Variants in RBM19 observed in about 807,000 individuals in gnomAD.
RBM19 encodes the protein probable RNA-binding protein 19.
In RBM19, 94 loss-of-function variants were observed where a neutral mutation model predicts 116.8. The ratio of observed to expected loss-of-function variants is 0.80; its 90% confidence interval spans 0.68 to 0.95. The LOEUF (loss-of-function observed/expected upper bound fraction) is 0.95, where lower values mean the gene tolerates loss of function less well. Ranked by LOEUF, RBM19 falls within the 40% of genes least tolerant of loss-of-function variation. The pLI, the probability that RBM19 is intolerant of heterozygous loss-of-function variation, is 0.00. For synonymous variants in RBM19, 475 were observed against 494.1 expected (o/e 0.96, Z 0.51); for missense variants, 1,161 against 1,220.7 (o/e 0.95, Z 0.73).
At position 113,898,047 on chromosome 12, in the gene RBM19, A is replaced by C. The variant is rs914359504; in HGVS notation, c.2558+16922T>G. ...AACCACAGGTGGGCTTGGCTGGGAAAAAGATCTACAGGTCTAAGTGAACCT... is the reference window on the plus strand; with the variant it reads ...AACCACAGGTGGGCTTGGCTGGGAACAAGATCTACAGGTCTAAGTGAACCT... On this transcript the variant is annotated intron_variant, in intron 21 of 23. Transcript: ENST00000261741. This position sits in a 1 kb window ranked among gnomAD's most constrained non-coding sequence, Gnocchi z 4.3. Among the ~76,000 whole-genome samples the C allele has an allele frequency of 2.0e-5, 3 of 152,316 alleles. No homozygotes were observed. The highest frequency in any genetic ancestry group is 1.5e-5 in the Non-Finnish European group (1 of 68,022).
chr12:113,955,792 C>T (rs897961752), intron 6 of RBM19, among the ~76,000 whole-genome samples: 1 of 152,214 alleles, frequency 6.6e-6, no homozygotes, highest in African/African-American at 2.4e-5. Flanking sequence ...TGCTGATTCA[C>T]GCAGCGCAAG....
chr12:113,849,074 G>A (rs531754755), intron 22 of RBM19, among the ~76,000 whole-genome samples: 9 of 152,296 alleles, frequency 5.9e-5, no homozygotes, highest in Admixed American at 5.2e-4. Context: ...GCCTCTACAC[G>A]TTGTCTCTGG....
At chr12:113,919,137 G>A (rs1051904239) in intron 19 of RBM19, among the ~76,000 whole-genome samples, 1 of 152,190 alleles carries the variant, frequency 6.6e-6, no homozygotes, top group Non-Finnish European at 1.5e-5. Flanking sequence ...GAAGGGCCTA[G>A]GATGTGGGGC....
chr12:113,825,667 TCTC>T lies in RBM19; in HGVS notation c.2786-2349_2786-2347del, dbSNP rs1874797230. Among the ~76,000 whole-genome samples the T allele has an allele frequency of 6.6e-6, 1 of 152,032 alleles. No homozygotes were observed. The highest frequency in any genetic ancestry group is 1.5e-5 in the Non-Finnish European group (1 of 67,988). Reference sequence around the variant, plus strand: ...GCGGTGGCGGCATGGGACTTTTTCTTCTCTCCCACATCCTGACAACTTGGAGGG... The same window carrying T: ...GCGGTGGCGGCATGGGACTTTTTCTTTCCCACATCCTGACAACTTGGAGGG... On this transcript the variant is annotated intron_variant, in intron 23 of 23. Coordinates refer to ENST00000261741, the MANE Select transcript of RBM19 (RefSeq NM_016196.4). This position sits in a 1 kb window ranked among gnomAD's most constrained non-coding sequence, Gnocchi z 5.7.
At chr12:113,960,603 C>T (rs1241948828) in intron 2 of RBM19, among the ~76,000 whole-genome samples, 1 of 152,156 alleles carries the variant, frequency 6.6e-6, no homozygotes, top group African/African-American at 2.4e-5. Flanking sequence ...CTCAGGGGGT[C>T]TCTGGGCTCT....
intron 22 of RBM19, among the ~76,000 whole-genome samples, chr12:113,852,344 C>G (rs1877528284): frequency 6.6e-6 from 1 of 152,172 alleles, no homozygotes; most frequent in Non-Finnish European, 1.5e-5. Context: ...AGGTCTCAGC[C>G]CATATACATG....
intron 21 of RBM19, among the ~76,000 whole-genome samples, chr12:113,882,931 C>T (rs929296177): frequency 3.3e-5 from 5 of 152,228 alleles, no homozygotes; most frequent in African/African-American, 1.2e-4. Context: ...TAAAGCAGCC[C>T]TCTTTTTCCC....
chr12:113,934,407 T>G lies in RBM19; in HGVS notation c.2068+2600A>C, dbSNP rs1234701989. 2.0e-5 allele frequency among the ~76,000 whole-genome samples: 3 copies of G among 152,320 alleles called. No homozygotes were observed. The East Asian group carries it at 5.8e-4, about 29-fold the overall frequency. On this transcript the variant is annotated intron_variant, in intron 16 of 23. Transcript: ENST00000261741. ...CTGCTTACTGGAAATCTCAGGGCCATTTCCCCAGGGGCTCTAGGCCTCACA... is the reference window on the plus strand; with the variant it reads ...CTGCTTACTGGAAATCTCAGGGCCAGTTCCCCAGGGGCTCTAGGCCTCACA...
intron 21 of RBM19, among the ~76,000 whole-genome samples, chr12:113,906,436 G>A (rs2135835498): frequency 6.6e-6 from 1 of 152,286 alleles, no homozygotes; most frequent in East Asian, 1.9e-4. Flanking sequence ...TCGAAGTTAA[G>A]AGAGTGGCTG....
At chr12:113,913,983 A>T (rs1351821220) in intron 21 of RBM19, among the ~76,000 whole-genome samples, 11 of 152,194 alleles carry the variant, frequency 7.2e-5, no homozygotes, top group African/African-American at 2.4e-4. Context: ...GGCTTCAAGC[A>T]TTCCCCTTAG....
chr12:113,918,986 C>T (rs1882948670), intron 19 of RBM19, among the ~76,000 whole-genome samples: 2 of 152,162 alleles, frequency 1.3e-5, no homozygotes, highest in African/African-American at 4.8e-5. Context: ...CATATGCATG[C>T]ACACAATGAT....
At chr12:113,835,287 C>T (rs1875776257) in intron 23 of RBM19, among the ~76,000 whole-genome samples, 2 of 151,924 alleles carry the variant, frequency 1.3e-5, no homozygotes, top group Non-Finnish European at 2.9e-5. Flanking sequence ...ATTTTTTCAC[C>T]CCACAAATGG....
Position 113,940,288 on chromosome 12 carries a change from G to A in RBM19, c.1738-128C>T. The A allele has an allele frequency of 4.2e-6, 4 of 961,830 alleles. No homozygotes were observed. The South Asian group carries it at 6.3e-5, about 15-fold the overall frequency. 59.6% of individuals were successfully genotyped at this position (961,830 alleles called of 1,614,324 possible). A position where few individuals can be genotyped will look rare whatever the true frequency, so the allele number is the denominator to read the frequency against. ...GGAACCTCAGCAACCAGGCACTTAGGAGGAAGACCCAGGAGGAACGACCCT... is the reference window on the plus strand; with the variant it reads ...GGAACCTCAGCAACCAGGCACTTAGAAGGAAGACCCAGGAGGAACGACCCT... On this transcript the variant is annotated intron_variant, in intron 14 of 23. Coordinates refer to ENST00000261741, the MANE Select transcript of RBM19 (RefSeq NM_016196.4).
intron 16 of RBM19, among the ~76,000 whole-genome samples, chr12:113,934,153 A>G (rs1197348695): frequency 2.6e-5 from 4 of 152,150 alleles, no homozygotes; most frequent in Non-Finnish European, 5.9e-5. Context: ...GGGTTTTGCC[A>G]TGCTGTCCAG....
intron 21 of RBM19, among the ~76,000 whole-genome samples, chr12:113,899,297 G>A (rs1265439721): frequency 2.6e-5 from 4 of 152,206 alleles, no homozygotes; most frequent in Admixed American, 2.0e-4. Flanking sequence ...TACGCAGCCC[G>A]AGTGTATTAC....
At chr12:113,918,310 T>G in intron 20 of RBM19, 82 bp downstream of exon 20, 38 of 1,358,436 alleles carry the variant, frequency 2.8e-5, no homozygotes, top group Non-Finnish European at 3.7e-5. Flanking sequence ...TGAAGGGTTG[T>G]GAGACAGCCT....
rs1285947878 is a variant in RBM19 at position 113,940,004 on chromosome 12, G to C, written c.1894C>G (p.Pro632Ala). ...CTGAAGGCCTTGCGGGCCTCCAGGG[G>C]CTCCAGGAACTCCACGATGGCAGTG... is the stretch of plus-strand genomic sequence containing the variant. Reference protein sequence around the residue: ...GITAIVEFLEPLEARKAFRHL... With the variant: ...GITAIVEFLEALEARKAFRHL... Residue 632 changes from proline to alanine, a missense_variant, in exon 15 of 24, where the codon CCC becomes GCC. Physicochemically the swap from Pro to Ala is conservative, Grantham distance 27 (BLOSUM62 -1). Coordinates refer to ENST00000261741, the MANE Select transcript of RBM19 (RefSeq NM_016196.4). 2 of 1,614,000 alleles carry C rather than the reference G, an allele frequency of 1.2e-6. No individual in the cohort carries two copies. The highest frequency in any genetic ancestry group is 1.7e-6 in the Non-Finnish European group (2 of 1,180,024).
chr12:113,855,540 TGGC>T (rs1204542194), intron 22 of RBM19, among the ~76,000 whole-genome samples: 1 of 152,128 alleles, frequency 6.6e-6, no homozygotes, highest in African/African-American at 2.4e-5. Flanking sequence ...TCAATGCCCT[TGGC>T]GGGGGATCTG....
Position 113,955,114 on chromosome 12 carries a change from C to T in RBM19, c.921+17G>A. ...GCTCCCGCAGGCTGCCGACCCTTGT[C>T]CTCAGTTAGCACATACCTCTGTGAC... On this transcript the variant is annotated intron_variant, in intron 7 of 23. Coordinates refer to ENST00000261741, the MANE Select transcript of RBM19 (RefSeq NM_016196.4). 2 of 1,613,424 alleles carry T rather than the reference C, an allele frequency of 1.2e-6. No individual in the cohort carries two copies. Among genetic ancestry groups the T allele is most frequent in the South Asian group, 2.2e-5 (2 of 91,030 alleles).
Sources: allele counts gnomAD v4.1 joint callset (sites outside exome capture counted in the v4.1 genomes callset), GRCh38; gene constraint gnomAD v4.1.1; non-coding constraint Gnocchi (gnomAD v3.1); transcripts MANE v1.5; gene names NCBI Gene and HGNC (gene_info 2026-07-23, HGNC 2026-07-21).